The following TENM2 variants were observed in gnomAD, a reference collection of about 807,000 sequenced individuals.
The protein encoded by TENM2 is teneurin-2.
A neutral mutation model predicts 245.2 loss-of-function variants in TENM2; 52 were observed. The ratio of observed to expected loss-of-function variants is 0.21; its 90% CI spans 0.17 to 0.27. The LOEUF (loss-of-function observed/expected upper bound fraction) is 0.27, where lower values mean the gene tolerates loss of function less well. Among genes scored for constraint, TENM2 ranks in the 10% least tolerant of loss-of-function variants. The probability of loss-of-function intolerance (pLI) is 1.00; values close to 1 mark genes in which losing one functional copy is unlikely to be tolerated. For synonymous variants in TENM2, 1,363 were observed against 1,438.9 expected, an observed-to-expected ratio of 0.95 and a Z score of 1.19; for missense variants, 3,046 against 3,666.8, an observed-to-expected ratio of 0.83 and a Z score of 4.37.
the TENM2 span, among the ~76,000 whole-genome samples, chr5:167,064,482 T>C: frequency 2.0e-5 from 3 of 152,208 alleles, no homozygotes; most frequent in Non-Finnish European, 4.4e-5. Context: ...TCACATATCT[T>C]TACTTAAAAA....
At chr5:167,696,012 C>T (rs368060240) in intron 2 of TENM2, among the ~76,000 whole-genome samples, 40 of 148,756 alleles carry the variant, frequency 2.7e-4, no homozygotes, top group African/African-American at 8.4e-4. Context: ...CCAGCCTGGG[C>T]GACAGAGCAA....
At chr5:167,614,055 T>C (rs1561602564) in intron 2 of TENM2, among the ~76,000 whole-genome samples, 1 of 152,132 alleles carries the variant, frequency 6.6e-6, no homozygotes, top group Non-Finnish European at 1.5e-5. Context: ...AGAGTGTTCT[T>C]GCATTCCTAG....
intron 3 of TENM2, among the ~76,000 whole-genome samples, chr5:167,888,963 G>C (rs1270493680): frequency 6.6e-6 from 1 of 152,124 alleles, no homozygotes; most frequent in Non-Finnish European, 1.5e-5. Flanking sequence ...TCTTGGAGTT[G>C]AACCAATTCT....
intron 2 of TENM2, among the ~76,000 whole-genome samples, chr5:167,727,944 T>C (rs1246327289): frequency 2.0e-5 from 3 of 152,150 alleles, no homozygotes; most frequent in East Asian, 1.9e-4. Context: ...TTGTGTCTCA[T>C]TGGGAACTTG....
the TENM2 span, among the ~76,000 whole-genome samples, chr5:167,214,382 T>C: frequency 6.6e-6 from 1 of 152,176 alleles, no homozygotes; most frequent in Non-Finnish European, 1.5e-5. Context: ...TATAGAAATA[T>C]GGCCAGTCCT....
chr5:167,873,229 C>T (rs1049172722), intron 2 of TENM2, among the ~76,000 whole-genome samples: 4 of 152,196 alleles, frequency 2.6e-5, no homozygotes, highest in East Asian at 1.9e-4. Context: ...TGAACTCTGT[C>T]GGATGATAGC....
rs762357797 is a variant in TENM2 at position 168,244,636 on chromosome 5, A to T, written c.5737A>T (p.Thr1913Ser). The T allele has an allele frequency of 2.5e-6, 4 of 1,571,696 alleles. No homozygotes were observed. The highest frequency in any genetic ancestry group is 3.4e-4 in the Middle Eastern group (2 of 5,886). The change falls in exon 26 of 29, where the codon ACA becomes TCA. Residue 1913 changes from threonine (T) to serine (S), a missense_variant. Coordinates refer to ENST00000518659, the Ensembl canonical transcript of TENM2. This position sits in a 1 kb window ranked among gnomAD's most constrained non-coding sequence, Gnocchi z 4.9. ...TCAGCGTGGGGCCATGAGCGAGAGG[A>T]CAGACATCGACAAGCAAGGCCGCAT...
At chr5:167,804,256 GATA>G (rs1012067109) in intron 2 of TENM2, among the ~76,000 whole-genome samples, 2 of 151,814 alleles carry the variant, frequency 1.3e-5, no homozygotes, top group Admixed American at 6.6e-5. Flanking sequence ...TAGTTTCTAT[GATA>G]ATAAAATTGC....
chr5:167,677,098 C>T (rs1017675265), intron 2 of TENM2, among the ~76,000 whole-genome samples: 9 of 152,098 alleles, frequency 5.9e-5, no homozygotes, highest in African/African-American at 2.2e-4. Flanking sequence ...GGAATGTCAT[C>T]AAGTCTCTTT....
chr5:167,128,403 T>C, the TENM2 span, among the ~76,000 whole-genome samples: 1 of 152,088 alleles, frequency 6.6e-6, no homozygotes, highest in South Asian at 2.1e-4. Context: ...AGAAACGCCC[T>C]AGAGGGCTTG....
chr5:167,577,833 G>A (rs2127674369), intron 2 of TENM2, among the ~76,000 whole-genome samples: 1 of 152,284 alleles, frequency 6.6e-6, no homozygotes, highest in South Asian at 2.1e-4. Flanking sequence ...ATCTGACGAA[G>A]ATGCAAAATA....
At chr5:167,609,336 A>G (rs1415579522) in intron 2 of TENM2, among the ~76,000 whole-genome samples, 1 of 152,102 alleles carries the variant, frequency 6.6e-6, no homozygotes, top group African/African-American at 2.4e-5. Flanking sequence ...TGGATATCCA[A>G]TCAAAAGTAT....
At chr5:167,929,785 C>T in intron 3 of TENM2, among the ~76,000 whole-genome samples, 1 of 152,136 alleles carries the variant, frequency 6.6e-6, no homozygotes, top group Non-Finnish European at 1.5e-5. Flanking sequence ...GGATTCTAAT[C>T]AAGGTCAGCC....
chr5:167,981,707 G>C (rs969727381), intron 4 of TENM2, among the ~76,000 whole-genome samples: 1 of 152,152 alleles, frequency 6.6e-6, no homozygotes, highest in Non-Finnish European at 1.5e-5. Flanking sequence ...CCTTGGCCAG[G>C]CATGGTGGCT....
intron 2 of TENM2, among the ~76,000 whole-genome samples, chr5:167,675,916 A>T (rs1756291960): frequency 6.6e-6 from 1 of 152,078 alleles, no homozygotes; most frequent in African/African-American, 2.4e-5. Flanking sequence ...GTTACTGTAC[A>T]CTGCTCAGGT....
chr5:168,120,590 T>C (rs1795398938), intron 10 of TENM2, among the ~76,000 whole-genome samples: 1 of 152,222 alleles, frequency 6.6e-6, no homozygotes, highest in African/African-American at 2.4e-5. Flanking sequence ...CCCAGTCTTA[T>C]TTAAATGTTC....
At chr5:167,639,190 A>T (rs916417252) in intron 2 of TENM2, among the ~76,000 whole-genome samples, 2 of 152,200 alleles carry the variant, frequency 1.3e-5, no homozygotes, top group Non-Finnish European at 2.9e-5. Flanking sequence ...ATACTTAGTA[A>T]TATCCTTAAA....
chr5:168,128,833 A>G (rs1267805194), intron 12 of TENM2: 4 of 152,264 alleles, frequency 2.6e-5, no homozygotes, highest in Admixed American at 2.6e-4. Context: ...TTCAGTGACC[A>G]TAAACAAAGT....
At chr5:167,065,967 G>A in the TENM2 span, among the ~76,000 whole-genome samples, 5 of 152,252 alleles carry the variant, frequency 3.3e-5, no homozygotes, top group South Asian at 4.1e-4. Context: ...AGCTCTGGTC[G>A]TTTTCATCAA....
Sources: allele counts gnomAD v4.1 joint callset (sites outside exome capture counted in the v4.1 genomes callset), GRCh38; gene constraint gnomAD v4.1.1; non-coding constraint Gnocchi (gnomAD v3.1); transcripts MANE v1.5; gene names NCBI Gene and HGNC (gene_info 2026-07-23, HGNC 2026-07-21).